Variants in CYFIP2 observed in about 807,000 individuals in gnomAD.
CYFIP2 encodes the protein cytoplasmic FMR1-interacting protein 2.
CYFIP2 carries 29 observed loss-of-function variants against 158.7 expected under a neutral mutation model. The ratio of observed to expected loss-of-function variants is 0.18; its 90% CI spans 0.14 to 0.25. The LOEUF is 0.25. Among genes scored for constraint, CYFIP2 ranks in the 10% least tolerant of loss-of-function variants. The pLI, the probability that CYFIP2 is intolerant of heterozygous loss-of-function variation, is 1.00. For synonymous variants in CYFIP2, 585 were observed against 617.6 expected, an observed-to-expected ratio of 0.95 and a Z score of 0.78; for missense variants, 852 against 1,639.5, an observed-to-expected ratio of 0.52 and a Z score of 8.29.
chr5:157,333,941 G>A lies in CYFIP2; in HGVS notation c.2385+495G>A, dbSNP rs536245281. On this transcript the variant is annotated intron_variant, in intron 21 of 30. Transcript: ENST00000620254. ...GTTCTGATGCACAAGCCTGGAATAG[G>A]CCTACTCCTTTCTCCCAGAAAACAG... Among the ~76,000 whole-genome samples the A allele has an allele frequency of 3.3e-5, 5 of 152,272 alleles. No homozygotes were observed. The South Asian group carries it at 8.3e-4, about 25-fold the overall frequency.
chr5:157,382,099 T>C (rs1366172745), intron 26 of CYFIP2, among the ~76,000 whole-genome samples: 2 of 152,208 alleles, frequency 1.3e-5, no homozygotes, highest in African/African-American at 4.8e-5. Flanking sequence ...CCTCTTTTCT[T>C]GCTAGTTGAT....
At chr5:157,362,100 G>A (rs1276864923) in intron 26 of CYFIP2, among the ~76,000 whole-genome samples, 1 of 152,200 alleles carries the variant, frequency 6.6e-6, no homozygotes, top group African/African-American at 2.4e-5. Context: ...GAAGTGGGTG[G>A]GGGCTTATAG....
Position 157,358,094 on chromosome 5 carries a change from A to G in CYFIP2, c.2674-911A>G, listed in dbSNP as rs146612198. On this transcript the variant is annotated intron_variant, in intron 23 of 30. Transcript: ENST00000620254. ...AACAATAGTGCACCTGGAGGGTTTC[A>G]CAAAGCCTGGCATTAGGTGCTCCGT... Among the ~76,000 whole-genome samples, 424 of 152,314 alleles carry G rather than the reference A, an allele frequency of 2.8e-3. 3 individuals carry two copies. Among genetic ancestry groups the G allele is most frequent in the African/African-American group, 9.9e-3 (413 of 41,574 alleles).
intron 22 of CYFIP2, 30 bp downstream of exon 22, chr5:157,339,286 G>T (rs925920018): frequency 1.3e-6 from 2 of 1,594,728 alleles, no homozygotes; most frequent in Non-Finnish European, 1.7e-6. Flanking sequence ...GAGGGGGCCG[G>T]GTGGGGGTTG....
intron 15 of CYFIP2, among the ~76,000 whole-genome samples, chr5:157,321,188 A>G (rs373704439): frequency 9.2e-5 from 14 of 152,190 alleles, no homozygotes; most frequent in East Asian, 7.7e-4. Context: ...GCATGCATCT[A>G]TGCTGCCCCT....
intron 1 of CYFIP2, among the ~76,000 whole-genome samples, chr5:157,274,075 G>A (rs1375734071): frequency 1.3e-5 from 2 of 149,188 alleles, no homozygotes; most frequent in African/African-American, 2.5e-5. Flanking sequence ...AGGTTGCAGT[G>A]AGTGAGATCA....
chr5:157,334,055 T>G (rs897406889), intron 21 of CYFIP2, among the ~76,000 whole-genome samples: 8 of 152,254 alleles, frequency 5.3e-5, no homozygotes, highest in Admixed American at 2.0e-4. Context: ...AAGGAAGATT[T>G]CAGTGCCTTC....
chr5:157,302,813 A>G lies in CYFIP2; in HGVS notation c.589A>G (p.Lys197Glu). 6.3e-7 allele frequency: 1 copy of G among 1,583,128 alleles called. No individual in the cohort carries two copies. Among genetic ancestry groups the G allele is most frequent in the East Asian group, 2.3e-5 (1 of 43,634 alleles). The change falls in exon 7 of 31, where the codon AAG becomes GAG. Residue 197 changes from lysine to glutamate, a missense_variant. Physicochemically the swap from Lys to Glu is moderately conservative, Grantham distance 56. Around this residue, in one of 8 missense-constraint regions of CYFIP2, gnomAD observed 123 missense variants for 316.7 expected, o/e 0.39. Coordinates refer to ENST00000620254, the MANE Select transcript of CYFIP2 (RefSeq NM_001037333.3). ...TTTCAGGGCAGCACAGTTCCTGCGG[A>G]AGATGGCAGATCCCCAGTCTATCCA... ...AYKRAAQFLR[K>E]MADPQSIQES...
intron 9 of CYFIP2, 35 bp from the exon 10 acceptor site, chr5:157,309,708 C>G (rs1304167042): frequency 6.4e-7 from 1 of 1,565,244 alleles, no homozygotes; most frequent in South Asian, 1.2e-5. Context: ...AACCCCTCCT[C>G]AGCATCTCAC....
rs1249206368 is a variant in CYFIP2, at chr5:157,326,226, A to G, written c.2038A>G (p.Lys680Glu). 2 of 1,613,816 alleles carry G rather than the reference A, an allele frequency of 1.2e-6. No homozygotes were observed. Among genetic ancestry groups the G allele is most frequent in the Non-Finnish European group, 1.7e-6 (2 of 1,179,848 alleles). Reference protein sequence around the residue: ...YNDSAYYALTKFKKQFLYDEI... With the variant: ...YNDSAYYALTEFKKQFLYDEI... ...CGACAGCGCCTACTATGCTCTGACC[A>G]AGTTTAAAAAGCAGTTCCTGTACGA... The change falls in exon 18 of 31, where the codon AAG becomes GAG. Residue 680 changes from lysine to glutamate, a missense_variant. This residue lies in a region of CYFIP2 where 167 missense variants were observed against 343.3 expected (regional missense o/e 0.49). Transcript: ENST00000620254.
chr5:157,357,645 A>G (rs1056140058), intron 23 of CYFIP2, among the ~76,000 whole-genome samples: 1 of 152,188 alleles, frequency 6.6e-6, no homozygotes, highest in Non-Finnish European at 1.5e-5. Context: ...CCTGGCCAAC[A>G]TGGTGAAACC....
chr5:157,282,323 C>T (rs1252079250), intron 1 of CYFIP2, among the ~76,000 whole-genome samples: 1 of 152,060 alleles, frequency 6.6e-6, no homozygotes, highest in Admixed American at 6.6e-5. Context: ...AGGTGCCACA[C>T]ACTTTTAAAA....
chr5:157,340,179 G>A (rs992364805), intron 22 of CYFIP2, among the ~76,000 whole-genome samples: 2 of 152,236 alleles, frequency 1.3e-5, no homozygotes, highest in East Asian at 1.9e-4. Flanking sequence ...TCATAACCCA[G>A]TGGAAGAGTA....
At chr5:157,291,329 CAA>C (rs748544486) in intron 3 of CYFIP2, among the ~76,000 whole-genome samples, 1 of 152,222 alleles carries the variant, frequency 6.6e-6, no homozygotes, top group Non-Finnish European at 1.5e-5. Context: ...GACCAGAACT[CAA>C]GTTTCCCAAG....
At chr5:157,329,092 T>C (rs1761246406) in intron 19 of CYFIP2, among the ~76,000 whole-genome samples, 1 of 152,244 alleles carries the variant, frequency 6.6e-6, no homozygotes, top group Admixed American at 6.5e-5. Context: ...AGCCCTGATA[T>C]ATTTCAAAGA....
intron 3 of CYFIP2, among the ~76,000 whole-genome samples, chr5:157,291,714 AAATT>A (rs1561695832): frequency 6.6e-6 from 1 of 152,236 alleles, no homozygotes; most frequent in Non-Finnish European, 1.5e-5. Flanking sequence ...AAAGTTCTCT[AAATT>A]AATCATTGAA....
intron 11 of CYFIP2, among the ~76,000 whole-genome samples, chr5:157,313,097 A>G (rs142479761): frequency 6.6e-6 from 1 of 152,330 alleles, no homozygotes; most frequent in Admixed American, 6.5e-5. Flanking sequence ...TGCTCTATAC[A>G]TGTTGAGTCT....
intron 1 of CYFIP2, among the ~76,000 whole-genome samples, chr5:157,268,005 T>C: frequency 6.6e-6 from 1 of 152,252 alleles, no homozygotes; most frequent in Non-Finnish European, 1.5e-5. Context: ...AAGGCATTTT[T>C]TGAGCACCCA....
rs759402047 is a variant in CYFIP2 at position 157,330,752 on chromosome 5, G to A, written c.2167G>A (p.Asp723Asn). The A allele has an allele frequency of 5.6e-6, 9 of 1,613,892 alleles. No individual in the cohort carries two copies. Among genetic ancestry groups the A allele is most frequent in the Non-Finnish European group, 5.9e-6 (7 of 1,179,820 alleles). The change falls in exon 20 of 31, where the codon GAT (aspartate) becomes AAT (asparagine). Residue 723 changes from aspartate to asparagine, a missense_variant. Asp to Asn is a conservative substitution (Grantham distance 23, BLOSUM62 1). Transcript: ENST00000620254. ...YKAMAGSVLL[D>N]KRFRAECKNY... Reference sequence around the variant, plus strand: ...TTTTATTCCTTGCAGTGTCCTGTTGGATAAACGTTTTCGAGCTGAGTGTAA... The same window carrying A: ...TTTTATTCCTTGCAGTGTCCTGTTGAATAAACGTTTTCGAGCTGAGTGTAA...
Sources: gnomAD v4.1 joint callset for allele counts (sites outside exome capture counted in the v4.1 genomes callset) on GRCh38, gnomAD v4.1.1 for gene constraint, gnomAD v4.1.1 regional missense constraint, MANE v1.5 for transcripts, NCBI Gene and HGNC (gene_info 2026-07-23, HGNC 2026-07-21) for gene names.